The following CLOCK variants were observed in gnomAD, a reference collection of about 807,000 sequenced individuals.
CLOCK encodes circadian locomoter output cycles protein kaput.
CLOCK carries 43 observed loss-of-function variants against 118.4 expected under a neutral mutation model. The ratio of observed to expected loss-of-function variants is 0.36; its 90% confidence interval spans 0.28 to 0.47. CLOCK has a LOEUF of 0.47. Ranked by LOEUF, CLOCK falls within the 20% of genes least tolerant of loss-of-function variation. The pLI, the probability that CLOCK is intolerant of heterozygous loss-of-function variation, is 1.00. For synonymous variants in CLOCK, 326 were observed against 339.2 expected (o/e 0.96, Z 0.43); for missense variants, 846 against 999.9 (o/e 0.85, Z 2.08).
intron 18 of CLOCK, among the ~76,000 whole-genome samples, chr4:55,448,320 G>C (rs928014846): frequency 1.3e-5 from 2 of 152,110 alleles, no homozygotes; most frequent in Non-Finnish European, 2.9e-5. Flanking sequence ...TTCATAGGAG[G>C]AACAAAATGA....
chr4:55,485,824 T>C (rs1196769010), intron 3 of CLOCK, among the ~76,000 whole-genome samples: 2 of 152,170 alleles, frequency 1.3e-5, no homozygotes, highest in East Asian at 1.9e-4. Flanking sequence ...TTATTACATA[T>C]TGCATGCCTT....
At chr4:55,540,194 G>A (rs1014260103) in intron 1 of CLOCK, among the ~76,000 whole-genome samples, 10 of 151,890 alleles carry the variant, frequency 6.6e-5, no homozygotes, top group African/African-American at 2.4e-4. Flanking sequence ...TTTTAGTAGA[G>A]ACAGGGTTTC....
chr4:55,456,479 T>C (rs1321379311), intron 11 of CLOCK, among the ~76,000 whole-genome samples, 179 bp from the exon 12 acceptor site: 1 of 152,034 alleles, frequency 6.6e-6, no homozygotes, highest in East Asian at 1.9e-4. Flanking sequence ...CTGGCCAACA[T>C]GGTGAAACCC....
intron 1 of CLOCK, among the ~76,000 whole-genome samples, chr4:55,541,525 G>A (rs954134037): frequency 8.5e-5 from 13 of 152,152 alleles, no homozygotes; most frequent in Non-Finnish European, 1.8e-4. Context: ...TATTAAAATA[G>A]TCACAGTAAA....
At position 55,541,914 on chromosome 4, in the gene CLOCK, G is replaced by A. The variant is rs143644495; in HGVS notation, c.-290+4868C>T. Among the ~76,000 whole-genome samples the A allele has an allele frequency of 7.2e-4, 106 of 148,126 alleles. 2 individuals carry two copies. Among genetic ancestry groups the A allele is most frequent in the Admixed American group, 6.1e-3 (89 of 14,656 alleles). On this transcript the variant is annotated intron_variant, in intron 1 of 22. Coordinates refer to ENST00000513440, the MANE Select transcript of CLOCK (RefSeq NM_004898.4). Reference sequence around the variant, plus strand: ...TTAACTAATTAAAAGGTTAAGATACGTATTCTCCCTCAAAATCCCATGCCT... The same window carrying A: ...TTAACTAATTAAAAGGTTAAGATACATATTCTCCCTCAAAATCCCATGCCT...
intron 4 of CLOCK, among the ~76,000 whole-genome samples, chr4:55,480,551 C>A (rs1726846758): frequency 6.6e-6 from 1 of 152,172 alleles, no homozygotes; most frequent in Non-Finnish European, 1.5e-5. Flanking sequence ...CAGGTGTGAG[C>A]TGCCGTACCC....
chr4:55,486,582 A>C (rs1727311756), intron 3 of CLOCK: 1 of 151,242 alleles, frequency 6.6e-6, no homozygotes, highest in Non-Finnish European at 1.5e-5. Context: ...TAAATTTTTT[A>C]AGGCTTCGTA....
intron 2 of CLOCK, among the ~76,000 whole-genome samples, chr4:55,493,114 G>A (rs1727836686): frequency 6.6e-6 from 1 of 151,794 alleles, no homozygotes; most frequent in Non-Finnish European, 1.5e-5. Context: ...CAATACTAGA[G>A]GCCTAGCTAT....
Position 55,450,247 on chromosome 4 carries a change from T to A in CLOCK, c.1207-15A>T, listed in dbSNP as rs752815208. On this transcript the variant is annotated splice_polypyrimidine_tract_variant and intron_variant, in intron 15 of 22. Transcript: ENST00000513440. ...GAATCTTGGCTCTATGGAGACAGAG[T>A]AAAATAAATGTTTTCTTGTGGTTCA... 4.2e-5 allele frequency: 68 copies of A among 1,613,688 alleles called. No individual in the cohort carries two copies. The African/African-American group carries it at 8.8e-4, about 21-fold the overall frequency.
At chr4:55,509,273 G>T (rs534322267) in intron 2 of CLOCK, among the ~76,000 whole-genome samples, 2 of 152,238 alleles carry the variant, frequency 1.3e-5, no homozygotes, top group South Asian at 4.1e-4. Flanking sequence ...TAGCCTAAAA[G>T]CAGTCATACA....
intron 2 of CLOCK, among the ~76,000 whole-genome samples, chr4:55,499,960 G>A (rs1728329975): frequency 6.6e-6 from 1 of 152,008 alleles, no homozygotes; most frequent in Admixed American, 6.6e-5. Flanking sequence ...AATTCCTCTG[G>A]CCAGAGAGAC....
At chr4:55,476,676 T>C (rs1390011839) in intron 6 of CLOCK, among the ~76,000 whole-genome samples, 2 of 152,174 alleles carry the variant, frequency 1.3e-5, no homozygotes, top group Admixed American at 1.3e-4. Flanking sequence ...GGTGAAAAAT[T>C]TGGAGATCCC....
chr4:55,507,468 C>G (rs1728887357), intron 2 of CLOCK, among the ~76,000 whole-genome samples: 1 of 151,930 alleles, frequency 6.6e-6, no homozygotes, highest in South Asian at 2.1e-4. Context: ...CAAAAATTTG[C>G]CAGGCATGGT....
At position 55,456,216 on chromosome 4, in the gene CLOCK, A is replaced by C; in HGVS notation, c.875+2T>G. On this transcript the variant is annotated splice_donor_variant, in intron 12 of 22. Coordinates refer to ENST00000513440, the MANE Select transcript of CLOCK (RefSeq NM_004898.4). LOFTEE classifies it high-confidence loss of function. ...TTTCATGGAATTTAAAAATGGAATTACCTGTGATCTAGAAACAGAAACTTC... is the reference window on the plus strand; with the variant it reads ...TTTCATGGAATTTAAAAATGGAATTCCCTGTGATCTAGAAACAGAAACTTC... The C allele has an allele frequency of 6.4e-7, 1 of 1,574,280 alleles. No individual in the cohort carries two copies. Among genetic ancestry groups the C allele is most frequent in the Non-Finnish European group, 8.7e-7 (1 of 1,146,558 alleles).
chr4:55,532,367 A>T (rs1489436006), intron 1 of CLOCK, among the ~76,000 whole-genome samples: 1 of 152,128 alleles, frequency 6.6e-6, no homozygotes, highest in Non-Finnish European at 1.5e-5. Context: ...TAAGAAAGAA[A>T]ATTATCTCTG....
intron 1 of CLOCK, among the ~76,000 whole-genome samples, chr4:55,513,160 GTACTCTA>G (rs1729272300): frequency 1.3e-5 from 2 of 152,094 alleles, no homozygotes; most frequent in African/African-American, 4.8e-5. Flanking sequence ...TCCATGGTAA[GTACTCTA>G]TATAAAGTAT....
intron 1 of CLOCK, among the ~76,000 whole-genome samples, chr4:55,510,463 C>T (rs913291079): frequency 6.6e-6 from 1 of 151,880 alleles, no homozygotes; most frequent in African/African-American, 2.4e-5. Context: ...CTCGTCCCTA[C>T]TAAAAATACA....
intron 13 of CLOCK, 80 bp downstream of exon 13, chr4:55,455,817 G>T: frequency 1.0e-6 from 1 of 983,292 alleles, no homozygotes; most frequent in Non-Finnish European, 1.6e-6. Context: ...ATAAATCTGT[G>T]TCTTACTACC....
rs1438661709 is a variant in CLOCK, at chr4:55,433,922, AT to A, written c.*1492del. 1 of 152,178 alleles carries A rather than the reference AT, an allele frequency of 6.6e-6. No homozygotes were observed. Among genetic ancestry groups the A allele is most frequent in the Non-Finnish European group, 1.5e-5 (1 of 68,014 alleles). The allele number at this position is 152,178 out of a possible 1,614,324, so 9.4% of individuals were successfully genotyped here. On this transcript the variant is annotated 3_prime_UTR_variant, in exon 23 of 23. Transcript: ENST00000513440. ...GGAATATCAAGATCATATTGAGCAA[AT>A]ATTTCTGGTAAATTCTTAAATGACT...
Sources: gnomAD v4.1 joint callset for allele counts (sites outside exome capture counted in the v4.1 genomes callset) on GRCh38, gnomAD v4.1.1 for gene constraint, MANE v1.5 for transcripts, NCBI Gene and HGNC (gene_info 2026-07-23, HGNC 2026-07-21) for gene names.